The following RORA variants were observed in gnomAD, a reference collection of about 807,000 sequenced individuals.
RORA encodes the protein nuclear receptor ROR-alpha.
In RORA, 7 loss-of-function variants were observed where a neutral mutation model predicts 69.5. That is an observed-to-expected ratio of 0.10 (90% CI 0.06 to 0.19). The LOEUF is 0.19. RORA is among the 10% of genes least tolerant of loss of function. The pLI, the probability that RORA is intolerant of heterozygous loss-of-function variation, is 1.00. For missense variants in RORA, 457 were observed against 663.0 expected (o/e 0.69, Z 3.41); for synonymous variants, 261 against 240.8 (o/e 1.08, Z -0.78).
At chr15:60,525,374 G>A (rs996331088) in intron 3 of RORA, among the ~76,000 whole-genome samples, 1 of 152,182 alleles carries the variant, frequency 6.6e-6, no homozygotes, top group African/African-American at 2.4e-5. Context: ...CCTCCTGTGT[G>A]GGGCTCCTTC....
At chr15:60,888,546 C>T (rs1378092554) in intron 1 of RORA, among the ~76,000 whole-genome samples, 2 of 152,206 alleles carry the variant, frequency 1.3e-5, no homozygotes, top group Non-Finnish European at 2.9e-5. Flanking sequence ...GGGAAAGCAG[C>T]TGATGATTAT....
chr15:60,615,030 G>A, intron 2 of RORA: 1 of 1,611,908 alleles, frequency 6.2e-7, no homozygotes. Context: ...TTGAAGAGCT[G>A]TCAGGGAAAA....
chr15:60,955,969 CAGTT>C (rs1293990090), intron 1 of RORA, among the ~76,000 whole-genome samples: 2 of 152,164 alleles, frequency 1.3e-5, no homozygotes, highest in Non-Finnish European at 2.9e-5. Context: ...TTATTGAAAA[CAGTT>C]AGAAAATAAT....
At chr15:60,980,479 G>C (rs1279954432) in intron 1 of RORA, among the ~76,000 whole-genome samples, 1 of 152,094 alleles carries the variant, frequency 6.6e-6, no homozygotes, top group African/African-American at 2.4e-5. Flanking sequence ...TAAATGTTTG[G>C]TAGAATCCAT....
intron 1 of RORA, among the ~76,000 whole-genome samples, chr15:60,851,564 G>T: frequency 6.6e-6 from 1 of 152,140 alleles, no homozygotes; most frequent in Non-Finnish European, 1.5e-5. Context: ...CTCTGAGTTT[G>T]CTGAAAATAA....
rs144578320 is a variant in RORA at position 61,033,414 on chromosome 15, A to AAACAAAAACAAAAC, written c.166+195638_166+195639insGTTTTGTTTTTGTT. ...AAATTTATAGCTTTATTCTGAAAAA[A>AAACAAAAACAAAAC]AAAACAAAAACCAGTTTTGCTCTCA... is the stretch of plus-strand genomic sequence containing the variant. On this transcript the variant is annotated intron_variant, in intron 1 of 10. Coordinates refer to ENST00000335670, the MANE Select transcript of RORA (RefSeq NM_134261.3). Among the ~76,000 whole-genome samples, 45 of 4,044 alleles carry AAACAAAAACAAAAC rather than the reference A, an allele frequency of 0.011. No individual in the cohort carries two copies. The Middle Eastern group carries it at 0.3, about 27-fold the overall frequency. 2.7% of individuals were successfully genotyped at this position (4,044 alleles called of 152,430 possible). A position where few individuals can be genotyped will look rare whatever the true frequency, so the allele number is the denominator to read the frequency against.
intron 2 of RORA, among the ~76,000 whole-genome samples, chr15:60,650,352 C>T (rs2070123658): frequency 6.6e-6 from 1 of 152,186 alleles, no homozygotes; most frequent in South Asian, 2.1e-4. Context: ...TCTATTTACG[C>T]TGCTGGCTTT....
intron 1 of RORA, among the ~76,000 whole-genome samples, chr15:60,931,305 G>A (rs1287955415): frequency 2.0e-5 from 3 of 152,152 alleles, no homozygotes; most frequent in Non-Finnish European, 4.4e-5. Context: ...GCAGCCTACA[G>A]GCCTCCACTG....
At chr15:60,888,122 A>C (rs2073771806) in intron 1 of RORA, among the ~76,000 whole-genome samples, 2 of 152,156 alleles carry the variant, frequency 1.3e-5, no homozygotes, top group Admixed American at 1.3e-4. Flanking sequence ...CTTGCCTCAT[A>C]CATACCCGGC....
chr15:60,987,771 T>A (rs1894250458), intron 1 of RORA, among the ~76,000 whole-genome samples: 1 of 152,146 alleles, frequency 6.6e-6, no homozygotes, highest in African/African-American at 2.4e-5. Flanking sequence ...CATTTAACTC[T>A]CCAAAGAGTC....
Position 60,531,164 on chromosome 15 carries a change from T to A in RORA, c.282+602A>T, listed in dbSNP as rs2066515969. 6.6e-6 allele frequency: 1 copy of A among 152,282 alleles called. No homozygotes were observed. The allele number at this position is 152,282 out of a possible 1,614,324, so 9.4% of individuals were successfully genotyped here. On this transcript the variant is annotated intron_variant, in intron 3 of 10. Coordinates refer to ENST00000335670, the MANE Select transcript of RORA (RefSeq NM_134261.3). The surrounding 1 kb of genome is among the most constrained non-coding windows in gnomAD (Gnocchi z 4.8). ...TTCTGTTTGTAAGGACTTTTTTATG[T>A]ACAGGTTCTCCTTCTATTCTTGGAA...
At chr15:61,060,399 G>C (rs1428256492) in intron 1 of RORA, among the ~76,000 whole-genome samples, 2 of 152,130 alleles carry the variant, frequency 1.3e-5, no homozygotes, top group African/African-American at 4.8e-5. Context: ...TCCAGGCCTG[G>C]TTTCAGGTGG....
intron 8 of RORA, among the ~76,000 whole-genome samples, chr15:60,502,430 C>G (rs2065359831): frequency 6.6e-6 from 1 of 152,166 alleles, no homozygotes; most frequent in Admixed American, 6.5e-5. Flanking sequence ...TATGTATCAG[C>G]TCACATCCTA....
At chr15:60,950,529 G>T (rs12915817) in intron 1 of RORA, among the ~76,000 whole-genome samples, 1 of 139,704 alleles carries the variant, frequency 7.2e-6, no homozygotes, top group East Asian at 2.0e-4. Context: ...TCAGTGTGCC[G>T]TATTCAGGAA....
rs1891614756 is a variant in RORA, at chr15:60,908,658, A to G, written c.167-229972T>C. On this transcript the variant is annotated intron_variant, in intron 1 of 10. Coordinates refer to ENST00000335670, the MANE Select transcript of RORA (RefSeq NM_134261.3). ...ATTCCAACAATAATACTTGGAATTC[A>G]ATATCCATTTCTACAGTGGTCTCTC... Among the ~76,000 whole-genome samples, 6 of 152,142 alleles carry G rather than the reference A, an allele frequency of 3.9e-5. 1 individual carries two copies. Among genetic ancestry groups the G allele is most frequent in the Admixed American group, 3.9e-4 (6 of 15,282 alleles).
At position 60,493,616 on chromosome 15, in the gene RORA, T is replaced by G. The variant is rs182259884; in HGVS notation, c.*3839A>C. On this transcript the variant is annotated 3_prime_UTR_variant, in exon 11 of 11. Coordinates refer to ENST00000335670, the MANE Select transcript of RORA (RefSeq NM_134261.3). ...AGTTTTCCAAAGACAGATAGACAAA[T>G]TCCATCAAGAAAATAATACAAAGTT... The G allele has an allele frequency of 6.6e-6, 1 of 152,126 alleles. No individual in the cohort carries two copies. Among genetic ancestry groups the G allele is most frequent in the East Asian group, 1.9e-4 (1 of 5,182 alleles). The allele number at this position is 152,126 out of a possible 1,614,324, so 9.4% of individuals were successfully genotyped here.
At chr15:60,558,887 T>C (rs1034732407) in intron 2 of RORA, among the ~76,000 whole-genome samples, 1 of 152,198 alleles carries the variant, frequency 6.6e-6, no homozygotes, top group African/African-American at 2.4e-5. Flanking sequence ...TCTAAAACGG[T>C]TCCCTTTACT....
intron 1 of RORA, among the ~76,000 whole-genome samples, chr15:61,168,724 T>C (rs2079559549): frequency 1.3e-5 from 2 of 152,014 alleles, no homozygotes; most frequent in Non-Finnish European, 1.5e-5. Flanking sequence ...TCACCAGGAG[T>C]CTGCTCAGTC....
chr15:60,695,976 C>T (rs1418791859), intron 1 of RORA, among the ~76,000 whole-genome samples: 1 of 152,088 alleles, frequency 6.6e-6, no homozygotes, highest in African/African-American at 2.4e-5. Flanking sequence ...AGATAAACCA[C>T]CGGCGCTTCA....
Sources: gnomAD v4.1 joint callset for allele counts (sites outside exome capture counted in the v4.1 genomes callset) on GRCh38, gnomAD v4.1.1 for gene constraint, Gnocchi (gnomAD v3.1) non-coding constraint, MANE v1.5 for transcripts, NCBI Gene and HGNC (gene_info 2026-07-23, HGNC 2026-07-21) for gene names.